Variants in SNTG1 observed in about 807,000 individuals in gnomAD.
SNTG1 encodes the protein syntrophin gamma 1, also known as gamma-1-syntrophin.
A neutral mutation model predicts 74.7 loss-of-function variants in SNTG1; 39 were observed. The ratio of observed to expected loss-of-function variants is 0.52; its 90% CI spans 0.40 to 0.68. The LOEUF is 0.68. Ranked by LOEUF, SNTG1 falls within the 30% of genes least tolerant of loss-of-function variation. The pLI, the probability that SNTG1 is intolerant of heterozygous loss-of-function variation, is 0.00. For missense variants in SNTG1, 685 were observed against 609.5 expected (o/e 1.12, Z -1.30); for synonymous variants, 254 against 217.1 (o/e 1.17, Z -1.49).
At chr8:49,989,610 G>A (rs185566822) in intron 1 of SNTG1, among the ~76,000 whole-genome samples, 4 of 151,950 alleles carry the variant, frequency 2.6e-5, no homozygotes, top group Admixed American at 2.6e-4. Flanking sequence ...TATGAGGCGA[G>A]TGTTACCCTA....
chr8:50,095,655 C>G (rs1222050919), intron 1 of SNTG1, among the ~76,000 whole-genome samples: 1 of 151,848 alleles, frequency 6.6e-6, no homozygotes, highest in Non-Finnish European at 1.5e-5. Context: ...GTGACATGCC[C>G]TTAATATTCA....
At chr8:50,529,363 C>CT (rs1563529279) in intron 9 of SNTG1, among the ~76,000 whole-genome samples, 2 of 151,910 alleles carry the variant, frequency 1.3e-5, no homozygotes, top group African/African-American at 2.4e-5. Flanking sequence ...AGAACAATAT[C>CT]TGTTTTTTAG....
intron 2 of SNTG1, among the ~76,000 whole-genome samples, chr8:50,327,237 G>A (rs532332447): frequency 5.3e-5 from 8 of 152,230 alleles, no homozygotes; most frequent in African/African-American, 1.7e-4. Flanking sequence ...TGTTTCCTGG[G>A]TCTGTCCATC....
intron 5 of SNTG1, among the ~76,000 whole-genome samples, chr8:50,444,230 T>C (rs1190701399): frequency 1.3e-5 from 2 of 152,160 alleles, no homozygotes; most frequent in African/African-American, 4.8e-5. Flanking sequence ...TGAGTACTAG[T>C]CGTTTCAAAT....
intron 8 of SNTG1, among the ~76,000 whole-genome samples, chr8:50,480,913 A>G (rs2093734576): frequency 1.3e-5 from 2 of 152,232 alleles, no homozygotes; most frequent in Non-Finnish European, 2.9e-5. Flanking sequence ...ACTCAAAACT[A>G]TAATTACCAC....
intron 2 of SNTG1, among the ~76,000 whole-genome samples, chr8:50,260,162 G>GT (rs1193519419): frequency 6.6e-6 from 1 of 152,112 alleles, no homozygotes; most frequent in East Asian, 1.9e-4. Flanking sequence ...CTAACAAATG[G>GT]TTTTTACCAG....
intron 1 of SNTG1, among the ~76,000 whole-genome samples, chr8:50,021,837 A>G (rs117763831): frequency 0.022 from 3,414 of 151,832 alleles, 51 homozygotes; most frequent in Non-Finnish European, 0.035. Flanking sequence ...GCTAATTGCA[A>G]TACTGAGGCA....
At chr8:49,922,083 G>T (rs318863) in intron 1 of SNTG1, among the ~76,000 whole-genome samples, 17 of 152,126 alleles carry the variant, frequency 1.1e-4, no homozygotes, top group South Asian at 6.2e-4. Context: ...TGCATACAAG[G>T]GGTCTGCAGA....
chr8:50,312,769 C>T (rs557347044), intron 2 of SNTG1, among the ~76,000 whole-genome samples: 1 of 149,832 alleles, frequency 6.7e-6, no homozygotes, highest in African/African-American at 2.5e-5. Context: ...AACCAGGGAA[C>T]AATACAATTT....
At chr8:50,627,769 T>A (rs953855629) in intron 13 of SNTG1, among the ~76,000 whole-genome samples, 8 of 152,214 alleles carry the variant, frequency 5.3e-5, no homozygotes, top group African/African-American at 1.9e-4. Flanking sequence ...AAGAAATACA[T>A]GGAGCAAGGC....
In SNTG1 at chr8:50,332,602, G is replaced by A. The variant is rs140851740; in HGVS notation, c.-27-61610G>A. Among the ~76,000 whole-genome samples, 424 of 152,174 alleles carry A rather than the reference G, an allele frequency of 2.8e-3. 3 individuals are homozygous for A. The highest frequency in any genetic ancestry group is 9.8e-3 in the African/African-American group (406 of 41,522). ...TACTTAATCACATGATCTCCCTGAT[G>A]GAATCAGCTCTTAAGTTGAGATCTG... is the stretch of plus-strand genomic sequence containing the variant. On this transcript the variant is annotated intron_variant, in intron 2 of 18. Transcript: ENST00000642720.
chr8:50,628,249 AC>A (rs1334664099), intron 13 of SNTG1, among the ~76,000 whole-genome samples: 1 of 152,080 alleles, frequency 6.6e-6, no homozygotes, highest in African/African-American at 2.4e-5. Flanking sequence ...GACCTGGCTG[AC>A]TAAAAGAGTC....
chr8:49,974,524 A>C (rs895745274), intron 1 of SNTG1, among the ~76,000 whole-genome samples: 1 of 152,168 alleles, frequency 6.6e-6, no homozygotes, highest in Non-Finnish European at 1.5e-5. Context: ...CTCAAGATGA[A>C]TGCAAAAGGG....
intron 2 of SNTG1, among the ~76,000 whole-genome samples, chr8:50,263,202 G>A (rs1476276844): frequency 6.6e-6 from 1 of 152,112 alleles, no homozygotes; most frequent in Admixed American, 6.6e-5. Context: ...TGCGTGTGTG[G>A]ATATGGTACA....
At position 50,425,807 on chromosome 8, in the gene SNTG1, C is replaced by G. The variant is rs185779069; in HGVS notation, c.163-12736C>G. On this transcript the variant is annotated intron_variant, in intron 4 of 18. Transcript: ENST00000642720. Reference sequence around the variant, plus strand: ...ATTGGTAAAAAATATTGGAGGGTGACGTTTGAATCAAGGAAAACACTTAGG... The same window carrying G: ...ATTGGTAAAAAATATTGGAGGGTGAGGTTTGAATCAAGGAAAACACTTAGG... Among the ~76,000 whole-genome samples the G allele has an allele frequency of 2.1e-3, 322 of 152,120 alleles. 2 individuals are homozygous for G. Among genetic ancestry groups the G allele is most frequent in the African/African-American group, 7.2e-3 (299 of 41,492 alleles).
At chr8:50,778,552 T>G (rs2095648283) in intron 18 of SNTG1, among the ~76,000 whole-genome samples, 1 of 152,038 alleles carries the variant, frequency 6.6e-6, no homozygotes, top group African/African-American at 2.4e-5. Context: ...ATGGGGTTGT[T>G]TGTTTCTTTC....
At chr8:50,145,649 G>T (rs974946978) in intron 1 of SNTG1, among the ~76,000 whole-genome samples, 1 of 152,026 alleles carries the variant, frequency 6.6e-6, no homozygotes, top group Admixed American at 6.6e-5. Flanking sequence ...TCTGCTTCAG[G>T]GATTAATAAC....
At chr8:50,223,363 C>T (rs1008182329) in intron 2 of SNTG1, among the ~76,000 whole-genome samples, 1 of 151,778 alleles carries the variant, frequency 6.6e-6, no homozygotes, top group East Asian at 1.9e-4. Flanking sequence ...CAACTGATCT[C>T]CTAATAGAAA....
At chr8:50,236,078 G>C in intron 2 of SNTG1, among the ~76,000 whole-genome samples, 1 of 152,102 alleles carries the variant, frequency 6.6e-6, no homozygotes, top group East Asian at 1.9e-4. Flanking sequence ...ATGGCATTGG[G>C]AGTATGGAGG....
Sources: allele counts gnomAD v4.1 joint callset (sites outside exome capture counted in the v4.1 genomes callset), GRCh38; gene constraint gnomAD v4.1.1; transcripts MANE v1.5; gene names NCBI Gene and HGNC (gene_info 2026-07-23, HGNC 2026-07-21).